The following NFIL3 variants were observed in gnomAD, a reference collection of about 807,000 sequenced individuals.
The protein encoded by NFIL3 is nuclear factor interleukin-3-regulated protein.
Under a neutral mutation model 10.0 loss-of-function variants are expected in NFIL3, and 5 were observed. That is an observed-to-expected ratio of 0.50 (90% CI 0.26 to 1.06). The LOEUF is 1.06. NFIL3 is among the 50% of genes least tolerant of loss of function. The probability of loss-of-function intolerance (pLI) is 0.13; values close to 1 mark genes in which losing one functional copy is unlikely to be tolerated. For synonymous variants in NFIL3, 202 were observed against 206.5 expected (o/e 0.98, Z 0.19); for missense variants, 436 against 547.6 (o/e 0.80, Z 2.03).
At chr9:91,424,210 C>T (rs1314044169), upstream of NFIL3, among the ~76,000 whole-genome samples, 1 of 152,080 alleles carries the variant, frequency 6.6e-6, no homozygotes, top group Admixed American at 6.5e-5. Flanking sequence ...CTCTTGGCTC[C>T]CTTCACCCTC....
At chr9:91,423,902 C>G (rs976078819), upstream of NFIL3, 1 of 145,100 alleles carries the variant, frequency 6.9e-6, no homozygotes, top group Non-Finnish European at 1.5e-5. Context: ...GCCGCGGCCC[C>G]AATCGCCGCG....
the NFIL3 span, among the ~76,000 whole-genome samples, chr9:91,467,871 CT>C: frequency 6.6e-6 from 1 of 152,050 alleles, no homozygotes; most frequent in African/African-American, 2.4e-5. Flanking sequence ...TGAACTCATC[CT>C]TTTTTATGGC....
At chr9:91,462,495 T>C in the NFIL3 span, among the ~76,000 whole-genome samples, 2 of 152,166 alleles carry the variant, frequency 1.3e-5, no homozygotes, top group Non-Finnish European at 2.9e-5. Flanking sequence ...ATGTATTACA[T>C]TGACTGATTT....
the NFIL3 span, among the ~76,000 whole-genome samples, chr9:91,454,008 G>T: frequency 9.2e-5 from 14 of 151,410 alleles, no homozygotes; most frequent in South Asian, 2.7e-3. Flanking sequence ...CTGAGGCGGG[G>T]GATCACTTGA....
the NFIL3 span, among the ~76,000 whole-genome samples, chr9:91,482,978 A>G: frequency 6.6e-6 from 1 of 152,192 alleles, no homozygotes; most frequent in Non-Finnish European, 1.5e-5. Context: ...GCCTATCCAC[A>G]TAAGGTTATG....
chr9:91,443,310 C>G, the NFIL3 span, among the ~76,000 whole-genome samples: 1 of 152,216 alleles, frequency 6.6e-6, no homozygotes, highest in Admixed American at 6.5e-5. Context: ...GAACTGATAG[C>G]CTGGCCCCCA....
chr9:91,420,352 TACACACACACAC>T (rs144270881), intron 1 of NFIL3, among the ~76,000 whole-genome samples: 45 of 144,498 alleles, frequency 3.1e-4, no homozygotes, highest in African/African-American at 5.3e-4. Flanking sequence ...TGAAGGTAAA[TACACACACACAC>T]ACACACACAC....
At chr9:91,420,048 A>G (rs1833730165) in intron 1 of NFIL3, among the ~76,000 whole-genome samples, 1 of 152,156 alleles carries the variant, frequency 6.6e-6, no homozygotes, top group Non-Finnish European at 1.5e-5. Context: ...AGGGAATTGG[A>G]AAAAGCTGAG....
At position 91,410,697 on chromosome 9, in the gene NFIL3, T is replaced by C; in HGVS notation, c.38A>G (p.Gln13Arg). The C allele has an allele frequency of 7.5e-6, 12 of 1,605,406 alleles. No homozygotes were observed. Among genetic ancestry groups the C allele is most frequent in the Non-Finnish European group, 1.0e-5 (12 of 1,177,142 alleles). The change falls in exon 2 of 2, where the codon CAG becomes CGG. Residue 13 changes from glutamine to arginine, a missense_variant. This residue lies in a region of NFIL3 where 76 missense variants were observed against 73.0 expected (regional missense o/e 1.04). Coordinates refer to ENST00000297689, the MANE Select transcript of NFIL3 (RefSeq NM_005384.3). This position sits in a 1 kb window ranked among gnomAD's most constrained non-coding sequence, Gnocchi z 5.7. Reference sequence around the variant, plus strand: ...ATTGCTACTGGCATCAAGAGACGCCTGCTCCTTTTTGACGGTCTGCATTTT... The same window carrying C: ...ATTGCTACTGGCATCAAGAGACGCCCGCTCCTTTTTGACGGTCTGCATTTT... ...LRKMQTVKKE[Q>R]ASLDASSNVD...
At chr9:91,464,035 T>G in the NFIL3 span, among the ~76,000 whole-genome samples, 1 of 152,126 alleles carries the variant, frequency 6.6e-6, no homozygotes, top group Non-Finnish European at 1.5e-5. Context: ...ATTTGCATCT[T>G]TATATTTTAT....
At chr9:91,425,414 C>T (rs745627055), upstream of NFIL3, among the ~76,000 whole-genome samples, 1 of 152,156 alleles carries the variant, frequency 6.6e-6, no homozygotes, top group Non-Finnish European at 1.5e-5. Flanking sequence ...CCTTCCAGGG[C>T]AGCGTTGTGG....
intron 1 of NFIL3, among the ~76,000 whole-genome samples, chr9:91,420,376 C>CAT (rs1322062404): frequency 6.6e-6 from 1 of 151,924 alleles, no homozygotes; most frequent in Non-Finnish European, 1.5e-5. Flanking sequence ...CACACACACA[C>CAT]ACACACACAC....
the NFIL3 span, among the ~76,000 whole-genome samples, chr9:91,476,409 C>G: frequency 6.6e-6 from 1 of 152,054 alleles, no homozygotes; most frequent in Non-Finnish European, 1.5e-5. Context: ...CCCGTCTCTA[C>G]AAAAAATACA....
At chr9:91,416,196 T>A (rs1587964936) in intron 1 of NFIL3, among the ~76,000 whole-genome samples, 1 of 151,944 alleles carries the variant, frequency 6.6e-6, no homozygotes, top group East Asian at 1.9e-4. Flanking sequence ...GAGTGTAATC[T>A]GTTTTCAACA....
At chr9:91,418,855 GT>G (rs10608008) in intron 1 of NFIL3, among the ~76,000 whole-genome samples, 39,407 of 147,172 alleles carry the variant, frequency 0.27, 6,175 homozygotes, top group Non-Finnish European at 0.37. Flanking sequence ...AGTTTTGGGT[GT>G]TTTTTTTTTT....
chr9:91,433,955 G>A, the NFIL3 span, among the ~76,000 whole-genome samples: 1 of 152,008 alleles, frequency 6.6e-6, no homozygotes, highest in Non-Finnish European at 1.5e-5. Context: ...TCTACATAAA[G>A]AAAACTATTA....
At chr9:91,413,218 G>C (rs1389674208) in intron 1 of NFIL3, among the ~76,000 whole-genome samples, 1 of 151,956 alleles carries the variant, frequency 6.6e-6, no homozygotes, top group Admixed American at 6.6e-5. Flanking sequence ...TTGCAGAGAA[G>C]GAATCTTCCT....
the NFIL3 span, among the ~76,000 whole-genome samples, chr9:91,459,354 G>T: frequency 6.6e-6 from 1 of 152,174 alleles, no homozygotes; most frequent in Non-Finnish European, 1.5e-5. Flanking sequence ...GTTGGATCTT[G>T]CTTCCTTATC....
chr9:91,453,543 A>G, the NFIL3 span, among the ~76,000 whole-genome samples: 1 of 152,090 alleles, frequency 6.6e-6, no homozygotes, highest in Non-Finnish European at 1.5e-5. Context: ...ATATTTCAAA[A>G]ATTCTTCTTA....
Sources: gnomAD v4.1 joint callset for allele counts (sites outside exome capture counted in the v4.1 genomes callset) on GRCh38, gnomAD v4.1.1 for gene constraint, gnomAD v4.1.1 regional missense constraint, Gnocchi (gnomAD v3.1) non-coding constraint, MANE v1.5 for transcripts, NCBI Gene and HGNC (gene_info 2026-07-23, HGNC 2026-07-21) for gene names.